Variants in DENND1A observed in about 807,000 individuals in gnomAD.
DENND1A encodes the protein DENN domain containing 1A, also known as DENN domain-containing protein 1A.
A neutral mutation model predicts 113.7 loss-of-function variants in DENND1A; 51 were observed. The observed-to-expected ratio is 0.45, with a 90% CI of 0.36 to 0.57. DENND1A has a LOEUF of 0.57. DENND1A is among the 20% of genes least tolerant of loss of function. The pLI, the probability that DENND1A is intolerant of heterozygous loss-of-function variation, is 0.00. For synonymous variants in DENND1A, 565 were observed against 570.8 expected (o/e 0.99, Z 0.14); for missense variants, 1,258 against 1,395.9 (o/e 0.90, Z 1.57).
At chr9:123,756,754 T>C (rs920949356) in intron 5 of DENND1A, among the ~76,000 whole-genome samples, 3 of 152,138 alleles carry the variant, frequency 2.0e-5, no homozygotes, top group Admixed American at 2.0e-4. Context: ...CAGAAGTCAG[T>C]GGGGGAGTCT....
At chr9:123,817,743 C>T (rs1262197639) in intron 2 of DENND1A, among the ~76,000 whole-genome samples, 3 of 152,098 alleles carry the variant, frequency 2.0e-5, no homozygotes. Context: ...ATAGAAAATG[C>T]TGGCTGGGCG....
intron 5 of DENND1A, among the ~76,000 whole-genome samples, chr9:123,679,425 G>A: frequency 6.6e-6 from 1 of 152,190 alleles, no homozygotes; most frequent in Non-Finnish European, 1.5e-5. Context: ...GCCTCACCAA[G>A]TCAATTCTTT....
intron 5 of DENND1A, among the ~76,000 whole-genome samples, chr9:123,705,122 G>T (rs1363293632): frequency 6.6e-6 from 1 of 150,542 alleles, no homozygotes; most frequent in South Asian, 2.1e-4. Flanking sequence ...AAGACAGCAA[G>T]AACAAATAAG....
chr9:123,870,785 G>T (rs917823282), intron 2 of DENND1A, among the ~76,000 whole-genome samples: 6 of 152,010 alleles, frequency 3.9e-5, no homozygotes, highest in Admixed American at 1.3e-4. Context: ...TCCAACCTGG[G>T]CAAGTAAACC....
intron 2 of DENND1A, among the ~76,000 whole-genome samples, chr9:123,876,809 T>C (rs1847537468): frequency 2.0e-5 from 3 of 152,078 alleles, no homozygotes. Context: ...ATAGCAAAGA[T>C]ACAGAATCAA....
At chr9:123,703,712 G>C (rs546460225) in intron 5 of DENND1A, among the ~76,000 whole-genome samples, 49 of 152,138 alleles carry the variant, frequency 3.2e-4, no homozygotes, top group African/African-American at 1.2e-3. Flanking sequence ...ACACAAAGGA[G>C]TACATATTGT....
intron 2 of DENND1A, among the ~76,000 whole-genome samples, chr9:123,797,951 T>A (rs979810318): frequency 1.1e-4 from 16 of 152,204 alleles, no homozygotes; most frequent in Non-Finnish European, 2.2e-4. Flanking sequence ...AGAAAAAAAA[T>A]CATTTTGAAG....
chr9:123,451,935 T>A (rs560666741), intron 17 of DENND1A, among the ~76,000 whole-genome samples: 1 of 151,976 alleles, frequency 6.6e-6, no homozygotes, highest in African/African-American at 2.4e-5. Context: ...CAGCAGCTCA[T>A]GCTGGTAATC....
At chr9:123,402,625 A>G in intron 21 of DENND1A, 1 of 534,750 alleles carries the variant, frequency 1.9e-6, no homozygotes, top group Non-Finnish European at 3.8e-6. Flanking sequence ...CATCACAGGA[A>G]GTCAGCGTGT....
At chr9:123,583,776 A>G (rs1175894698) in intron 11 of DENND1A, among the ~76,000 whole-genome samples, 1 of 152,216 alleles carries the variant, frequency 6.6e-6, no homozygotes, top group Non-Finnish European at 1.5e-5. Context: ...TTAAACGCCA[A>G]GTAGGAAGGT....
rs536122913 is a variant in DENND1A at position 123,573,749 on chromosome 9, G to T, written c.867+9420C>A. 1.7e-4 allele frequency among the ~76,000 whole-genome samples: 26 copies of T among 151,914 alleles called. No homozygotes were observed. In the South Asian group the frequency reaches 5.2e-3, roughly 30 times the overall value. On this transcript the variant is annotated intron_variant, in intron 12 of 23. Transcript: ENST00000394215. Reference sequence around the variant, plus strand: ...AATTTCACTTCTTTCTAATCATTAAGGCTTTACCTCTTTTCCCTGTCTTAG... The same window carrying T: ...AATTTCACTTCTTTCTAATCATTAATGCTTTACCTCTTTTCCCTGTCTTAG...
chr9:123,732,627 C>G (rs1239869135), intron 5 of DENND1A, among the ~76,000 whole-genome samples: 1 of 151,984 alleles, frequency 6.6e-6, no homozygotes, highest in Non-Finnish European at 1.5e-5. Context: ...ACATATTTGT[C>G]AAAACTCAGT....
rs558170595 is a variant in DENND1A at position 123,567,758 on chromosome 9, A to C, written c.868-10063T>G. On this transcript the variant is annotated intron_variant, in intron 12 of 23. Transcript: ENST00000394215. Reference sequence around the variant, plus strand: ...TGAACCAAAATGCACTTCTGCCCTCAGAGCCACTATCTGAGGCCCAAAAGA... The same window carrying C: ...TGAACCAAAATGCACTTCTGCCCTCCGAGCCACTATCTGAGGCCCAAAAGA... Among the ~76,000 whole-genome samples, 15 of 152,342 alleles carry C rather than the reference A, an allele frequency of 9.8e-5. No homozygotes were observed. In the South Asian group the frequency reaches 3.1e-3, roughly 32 times the overall value.
At chr9:123,917,779 ACT>A (rs1361654990) in intron 1 of DENND1A, among the ~76,000 whole-genome samples, 2 of 152,002 alleles carry the variant, frequency 1.3e-5, no homozygotes, top group Non-Finnish European at 2.9e-5. Context: ...AGTCTGGGAC[ACT>A]CTGTCATACC....
chr9:123,785,757 T>A (rs981816408), intron 3 of DENND1A, among the ~76,000 whole-genome samples: 3 of 151,750 alleles, frequency 2.0e-5, no homozygotes, highest in Non-Finnish European at 4.4e-5. Context: ...AACAATCAGC[T>A]CTTAGGCCGA....
At chr9:123,673,296 T>C (rs2063854807) in intron 6 of DENND1A, among the ~76,000 whole-genome samples, 1 of 152,252 alleles carries the variant, frequency 6.6e-6, no homozygotes, top group African/African-American at 2.4e-5. Context: ...TATTTTACCA[T>C]GGGTCCATAG....
intron 5 of DENND1A, among the ~76,000 whole-genome samples, chr9:123,754,182 C>A (rs1462279106): frequency 2.0e-5 from 3 of 152,154 alleles, no homozygotes; most frequent in Non-Finnish European, 4.4e-5. Flanking sequence ...CTAAAGGAAG[C>A]AAGGAGACTG....
intron 13 of DENND1A, among the ~76,000 whole-genome samples, chr9:123,517,726 G>A (rs182358703): frequency 1.6e-4 from 25 of 151,996 alleles, no homozygotes; most frequent in Admixed American, 6.6e-4. Flanking sequence ...GAGGAATTGC[G>A]CAACCATTTA....
intron 4 of DENND1A, chr9:123,759,446 A>G (rs1295994256): frequency 6.6e-6 from 1 of 152,210 alleles, no homozygotes; most frequent in Non-Finnish European, 1.5e-5. Context: ...TTACTTTGAG[A>G]CACAGTCTTG....
Sources: gnomAD v4.1 joint callset for allele counts (sites outside exome capture counted in the v4.1 genomes callset) on GRCh38, gnomAD v4.1.1 for gene constraint, MANE v1.5 for transcripts, NCBI Gene and HGNC (gene_info 2026-07-23, HGNC 2026-07-21) for gene names.